Variants in APBB1IP observed in about 807,000 individuals in gnomAD.
APBB1IP encodes the protein amyloid beta A4 precursor protein-binding family B member 1-interacting protein.
Under a neutral mutation model 64.9 loss-of-function variants are expected in APBB1IP, and 27 were observed. The observed-to-expected ratio is 0.42, with a 90% CI of 0.31 to 0.57. The LOEUF (loss-of-function observed/expected upper bound fraction) is 0.57. Ranked by LOEUF, APBB1IP falls within the 20% of genes least tolerant of loss-of-function variation. The pLI is 0.20. For synonymous variants in APBB1IP, 392 were observed against 331.0 expected, an observed-to-expected ratio of 1.18 and a Z score of -2.00; for missense variants, 812 against 845.5, an observed-to-expected ratio of 0.96 and a Z score of 0.49.
intron 11 of APBB1IP, among the ~76,000 whole-genome samples, chr10:26,547,010 G>A (rs1191551440): frequency 1.3e-5 from 2 of 152,160 alleles, no homozygotes; most frequent in Non-Finnish European, 2.9e-5. Context: ...TTACATTTCT[G>A]CCAATGGTGC....
chr10:26,489,460 G>A (rs892951487), intron 2 of APBB1IP, among the ~76,000 whole-genome samples: 3 of 152,170 alleles, frequency 2.0e-5, no homozygotes, highest in Non-Finnish European at 2.9e-5. Flanking sequence ...AATGATAAAC[G>A]CAAGATAATT....
intron 2 of APBB1IP, among the ~76,000 whole-genome samples, chr10:26,451,071 C>T (rs145708847): frequency 1.2e-3 from 188 of 151,722 alleles, no homozygotes; most frequent in African/African-American, 4.5e-3. Flanking sequence ...TGGCAAAATA[C>T]ACAGGACGTT....
intron 3 of APBB1IP, among the ~76,000 whole-genome samples, chr10:26,495,729 G>C (rs1302342880): frequency 6.6e-6 from 1 of 150,934 alleles, no homozygotes; most frequent in African/African-American, 2.4e-5. Flanking sequence ...GTACTCATAG[G>C]TTTGCTTGGC....
intron 7 of APBB1IP, 103 bp downstream of exon 7, chr10:26,512,009 A>G (rs750000401): frequency 2.7e-4 from 343 of 1,289,044 alleles, no homozygotes; most frequent in Non-Finnish European, 3.3e-4. Flanking sequence ...TTTATATAAA[A>G]AATAGACACA....
At chr10:26,509,962 T>A (rs546076601) in intron 6 of APBB1IP, among the ~76,000 whole-genome samples, 74 of 152,230 alleles carry the variant, frequency 4.9e-4, no homozygotes, top group African/African-American at 1.5e-3. Flanking sequence ...ATCTTTTTTG[T>A]TGTTGTTGTT....
At chr10:26,474,380 G>A (rs552293739) in intron 2 of APBB1IP, among the ~76,000 whole-genome samples, 1 of 152,252 alleles carries the variant, frequency 6.6e-6, no homozygotes, top group Non-Finnish European at 1.5e-5. Flanking sequence ...CTGGGCTCCT[G>A]GAAGTTAAAA....
At chr10:26,547,696 C>T (rs759025477) in intron 11 of APBB1IP, among the ~76,000 whole-genome samples, 10 of 152,112 alleles carry the variant, frequency 6.6e-5, no homozygotes, top group Non-Finnish European at 1.3e-4. Flanking sequence ...TCGCCTACCT[C>T]GGCCTCTCAA....
chr10:26,501,827 A>G (rs779563509), intron 5 of APBB1IP: 2 of 152,270 alleles, frequency 1.3e-5, no homozygotes, highest in Non-Finnish European at 2.9e-5. Context: ...ACACTGTGTC[A>G]TGATGTTTGG....
chr10:26,546,176 T>G (rs914354349), intron 11 of APBB1IP, among the ~76,000 whole-genome samples: 1 of 152,224 alleles, frequency 6.6e-6, no homozygotes, highest in African/African-American at 2.4e-5. Context: ...TTTTGATAAT[T>G]AAATATGATA....
chr10:26,508,593 A>G lies in APBB1IP; in HGVS notation c.532-3154A>G, dbSNP rs565556675. Among the ~76,000 whole-genome samples the G allele has an allele frequency of 6.0e-5, 9 of 150,086 alleles. 1 individual carries two copies. The East Asian group carries it at 1.2e-3, about 19-fold the overall frequency. On this transcript the variant is annotated intron_variant, in intron 6 of 14. Coordinates refer to ENST00000376236, the MANE Select transcript of APBB1IP (RefSeq NM_019043.4). ...GAAAGTATTTAGCTTGCTAAATCAC[A>G]TAACTGTGATTTAGCTTACTAAATC...
At chr10:26,546,064 G>A (rs1451892667) in intron 11 of APBB1IP, among the ~76,000 whole-genome samples, 1 of 152,218 alleles carries the variant, frequency 6.6e-6, no homozygotes, top group Non-Finnish European at 1.5e-5. Context: ...CTGTCAGAAA[G>A]ATTGGCGTCT....
At chr10:26,473,795 A>C (rs952656967) in intron 2 of APBB1IP, among the ~76,000 whole-genome samples, 1 of 152,194 alleles carries the variant, frequency 6.6e-6, no homozygotes, top group South Asian at 2.1e-4. Context: ...TGAGGCCAAG[A>C]GTTTGAGACT....
chr10:26,558,460 G>A (rs1292583216), intron 11 of APBB1IP, among the ~76,000 whole-genome samples: 2 of 152,130 alleles, frequency 1.3e-5, no homozygotes, highest in African/African-American at 4.8e-5. Context: ...CTTCATGGAA[G>A]ACACAGTCTA....
At position 26,492,314 on chromosome 10, in the gene APBB1IP, C is replaced by A. The variant is rs1328133281; in HGVS notation, c.1-13C>A. The stretch of plus-strand genomic sequence containing the variant: ...TATGAGACTGCTAATATCTCAGTTT[C>A]TTCCTTTTTCAGATGGGTGAGTCAA... On this transcript the variant is annotated splice_polypyrimidine_tract_variant and intron_variant, in intron 2 of 14. Transcript: ENST00000376236. The A allele has an allele frequency of 3.7e-6, 6 of 1,612,614 alleles. No homozygotes were observed. Among genetic ancestry groups the A allele is most frequent in the Non-Finnish European group, 5.1e-6 (6 of 1,179,024 alleles).
At chr10:26,522,537 A>G (rs1212578408) in intron 8 of APBB1IP, among the ~76,000 whole-genome samples, 1 of 152,008 alleles carries the variant, frequency 6.6e-6, no homozygotes, top group East Asian at 1.9e-4. Flanking sequence ...ATATATTGAT[A>G]TGCTGAAAAG....
intron 3 of APBB1IP, 71 bp downstream of exon 3, chr10:26,492,469 A>C: frequency 7.2e-7 from 1 of 1,384,054 alleles, no homozygotes; most frequent in East Asian, 2.3e-5. Context: ...GTAATATGAC[A>C]AGGGAGCTGT....
intron 6 of APBB1IP, among the ~76,000 whole-genome samples, chr10:26,507,348 A>C (rs1836194769): frequency 6.6e-6 from 1 of 152,208 alleles, no homozygotes; most frequent in South Asian, 2.1e-4. Context: ...AATTGTTTTT[A>C]GTTAGCTGGG....
chr10:26,492,130 C>A (rs1297815513), intron 2 of APBB1IP, among the ~76,000 whole-genome samples, 197 bp from the exon 3 acceptor site: 1 of 152,108 alleles, frequency 6.6e-6, no homozygotes, highest in African/African-American at 2.4e-5. Flanking sequence ...CAACGTTTGG[C>A]ACAATCTTGG....
chr10:26,561,292 T>A (rs1412534133), intron 13 of APBB1IP, among the ~76,000 whole-genome samples: 9 of 151,204 alleles, frequency 6.0e-5, no homozygotes, highest in Non-Finnish European at 1.3e-4. Context: ...GTGGTCTTGA[T>A]CTCCTGACCT....
Sources: allele counts gnomAD v4.1 joint callset (sites outside exome capture counted in the v4.1 genomes callset), GRCh38; gene constraint gnomAD v4.1.1; transcripts MANE v1.5; gene names NCBI Gene and HGNC (gene_info 2026-07-23, HGNC 2026-07-21).